NOX1: variants seen among roughly 807,000 people sequenced by gnomAD.
NOX1 encodes the protein NADH/NADPH mitogenic oxidase subunit P65-MOX.
In NOX1, 34 loss-of-function variants were observed where a neutral mutation model predicts 42.5. The observed-to-expected ratio is 0.80, with a 90% CI of 0.61 to 1.07. The LOEUF (loss-of-function observed/expected upper bound fraction) is 1.07. Among genes scored for constraint, NOX1 ranks in the 50% least tolerant of loss-of-function variants. NOX1 has a pLI of 0.00. For missense variants in NOX1, 408 were observed against 427.0 expected, an observed-to-expected ratio of 0.96 and a Z score of 0.39; for synonymous variants, 143 against 152.5, an observed-to-expected ratio of 0.94 and a Z score of 0.46.
intron 11 of NOX1, 52 bp downstream of exon 11, chrX:100,849,224 TTGTC>T (rs2085096018): frequency 1.4e-5 from 16 of 1,152,029 alleles, no homozygotes; most frequent in Non-Finnish European, 1.8e-5. Context: ...GCACTATCCT[TTGTC>T]TGACATTCGT....
At chrX:100,854,677 G>A (rs188816879) in intron 7 of NOX1, among the ~76,000 whole-genome samples, 8 of 111,544 alleles carry the variant, frequency 7.2e-5, no homozygotes, top group South Asian at 7.5e-4. Flanking sequence ...ATTATTCAAC[G>A]TAGATATATT....
intron 12 of NOX1, 40 bp from the exon 13 acceptor site, chrX:100,844,118 A>ATGAC (rs1210228373): frequency 2.7e-6 from 3 of 1,108,278 alleles, no homozygotes; most frequent in Non-Finnish European, 3.6e-6. Context: ...GAATGCAGCA[A>ATGAC]TGACAGAATG....
chrX:100,850,501 A>G (rs1460794660), intron 8 of NOX1, 115 bp from the exon 9 acceptor site: 5 of 481,138 alleles, frequency 1.0e-5, no homozygotes, highest in East Asian at 3.7e-5. Flanking sequence ...TACAAACACA[A>G]GTCCTCTCTA....
At chrX:100,853,332 C>T (rs56185729) in intron 7 of NOX1, among the ~76,000 whole-genome samples, 2 of 19,340 alleles carry the variant, frequency 1.0e-4, no homozygotes, top group African/African-American at 4.9e-4. Flanking sequence ...CTCTCTCTTT[C>T]TCTTTCTTTC....
intron 7 of NOX1, among the ~76,000 whole-genome samples, chrX:100,852,482 A>C (rs1366518487): frequency 8.9e-6 from 1 of 112,242 alleles, no homozygotes; most frequent in Non-Finnish European, 1.9e-5. Context: ...AAAATAAATA[A>C]ATAAATAAAG....
intron 2 of NOX1, among the ~76,000 whole-genome samples, chrX:100,870,394 T>G (rs2085266752): frequency 8.9e-6 from 1 of 111,755 alleles, no homozygotes; most frequent in African/African-American, 3.2e-5. Context: ...CTTTATTGCA[T>G]GTTTCCTTTA....
At chrX:100,854,128 G>C (rs967892875) in intron 7 of NOX1, among the ~76,000 whole-genome samples, 18 of 110,737 alleles carry the variant, frequency 1.6e-4, no homozygotes, top group African/African-American at 4.9e-4. Context: ...GAGTAACAGA[G>C]GGAGACTGTC....
chrX:100,856,485 T>C, intron 7 of NOX1: 1 of 370,464 alleles, frequency 2.7e-6, no homozygotes, highest in South Asian at 6.1e-5. Flanking sequence ...ACTAGTCCGC[T>C]AATACAGATC....
chrX:100,858,963 A>T, intron 7 of NOX1, among the ~76,000 whole-genome samples: 1 of 111,411 alleles, frequency 9.0e-6, no homozygotes, highest in Non-Finnish European at 1.9e-5. Flanking sequence ...GACTTCCAGC[A>T]CGATGTTAAA....
intron 2 of NOX1, among the ~76,000 whole-genome samples, chrX:100,864,531 G>A (rs2085226358): frequency 8.9e-6 from 1 of 111,815 alleles, no homozygotes; most frequent in Admixed American, 9.5e-5. Context: ...GTAGATATTT[G>A]AGAAGGGAGA....
At position 100,870,718 on chromosome X, in the gene NOX1, C is replaced by A. The variant is rs1324093090; in HGVS notation, c.141+1G>T. ...CTATCCGTGACAACCGTGATACTCA[C>A]CCCAAGGATTTTTCTTGTGTAGTAG... On this transcript the variant is annotated splice_donor_variant, in intron 2 of 12. Coordinates refer to ENST00000372966, the MANE Select transcript of NOX1 (RefSeq NM_007052.5). LOFTEE classifies it high-confidence loss of function. The A allele has an allele frequency of 1.8e-6, 2 of 1,105,060 alleles. No individual in the cohort carries two copies. Among genetic ancestry groups the A allele is most frequent in the Admixed American group, 2.3e-5 (1 of 44,354 alleles). 91.1% of individuals were successfully genotyped at this position (1,105,060 alleles called of 1,213,427 possible). A position where few individuals can be genotyped will look rare whatever the true frequency, so the allele number is the denominator to read the frequency against.
chrX:100,868,686 G>T (rs2085254236), intron 2 of NOX1, among the ~76,000 whole-genome samples: 1 of 111,166 alleles, frequency 9.0e-6, no homozygotes, highest in Non-Finnish European at 1.9e-5. Flanking sequence ...GTGTTTTCAA[G>T]TTGTGTTTGT....
At chrX:100,849,533 C>T in intron 10 of NOX1, 107 bp from the exon 11 acceptor site, 1 of 877,733 alleles carries the variant, frequency 1.1e-6, no homozygotes, top group Non-Finnish European at 1.6e-6. Context: ...TGACAATTTT[C>T]CTTAGGAACG....
chrX:100,845,494 CTAT>C (rs1478669584), intron 12 of NOX1, among the ~76,000 whole-genome samples: 1 of 109,143 alleles, frequency 9.2e-6, no homozygotes, highest in Non-Finnish European at 1.9e-5. Flanking sequence ...CACTTCGGGG[CTAT>C]TATGAGTAAT....
chrX:100,853,275 TTTCTTTCTTTCTTTCTTTCTTTC>T (rs1386315041), intron 7 of NOX1, among the ~76,000 whole-genome samples: 5 of 68,269 alleles, frequency 7.3e-5, no homozygotes, highest in African/African-American at 3.0e-4. Context: ...TCTTTCTTTC[TTTCTTTCTTTCTTTCTTTCTTTC>T]TTTCTTTCTT....
intron 7 of NOX1, among the ~76,000 whole-genome samples, chrX:100,856,857 GC>G (rs2085170944): frequency 8.9e-6 from 1 of 111,790 alleles, no homozygotes; most frequent in Non-Finnish European, 1.9e-5. Context: ...ACAGGCATGA[GC>G]CACTGTGCCC....
At chrX:100,872,336 C>G (rs2085280153) in intron 1 of NOX1, among the ~76,000 whole-genome samples, 1 of 111,435 alleles carries the variant, frequency 9.0e-6, no homozygotes, top group Non-Finnish European at 1.9e-5. Flanking sequence ...ACTGTGTCAG[C>G]CCATCATCAA....
At chrX:100,870,884 T>G in intron 1 of NOX1, 70 bp from the exon 2 acceptor site, 1 of 669,438 alleles carries the variant, frequency 1.5e-6, no homozygotes, top group Non-Finnish European at 2.3e-6. Context: ...AAATAAGGGA[T>G]AGGGATAGCA....
chrX:100,870,658 A>C (rs1284797015), intron 2 of NOX1, 61 bp downstream of exon 2: 1 of 778,384 alleles, frequency 1.3e-6, no homozygotes, highest in Admixed American at 2.3e-5. Flanking sequence ...GTCACAAAGA[A>C]GCTGGAATCA....
Sources: gnomAD v4.1 joint callset for allele counts (sites outside exome capture counted in the v4.1 genomes callset) on GRCh38, gnomAD v4.1.1 for gene constraint, MANE v1.5 for transcripts, NCBI Gene and HGNC (gene_info 2026-07-23, HGNC 2026-07-21) for gene names.